The following TAFA2 variants were observed in gnomAD, a reference collection of about 807,000 sequenced individuals.
TAFA2 encodes the protein TAFA chemokine like family member 2.
In TAFA2, 7 loss-of-function variants were observed where a neutral mutation model predicts 18.8. The ratio of observed to expected loss-of-function variants is 0.37; its 90% CI spans 0.21 to 0.70. TAFA2 has a LOEUF of 0.70. Ranked by LOEUF, TAFA2 falls within the 30% of genes least tolerant of loss-of-function variation. The pLI is 0.53. For missense variants in TAFA2, 122 were observed against 158.1 expected (o/e 0.77, Z 1.23); for synonymous variants, 60 against 54.2 (o/e 1.11, Z -0.47).
chr12:61,763,172 T>A (rs184603265), intron 2 of TAFA2, among the ~76,000 whole-genome samples: 9 of 152,208 alleles, frequency 5.9e-5, no homozygotes, highest in Admixed American at 5.2e-4. Flanking sequence ...ATTTATGAAG[T>A]CAGGATGATC....
intron 4 of TAFA2, among the ~76,000 whole-genome samples, chr12:61,713,300 T>C (rs567255818): frequency 4.0e-4 from 61 of 152,294 alleles, no homozygotes; most frequent in African/African-American, 1.4e-3. Context: ...TTTCTCTATG[T>C]CACTTTCCTT....
intron 1 of TAFA2, among the ~76,000 whole-genome samples, chr12:61,871,115 G>T (rs986926278): frequency 1.3e-5 from 2 of 152,016 alleles, no homozygotes; most frequent in Non-Finnish European, 2.9e-5. Flanking sequence ...AAGAGTCGGG[G>T]GGGCATGCAA....
chr12:62,254,054 T>G (rs73135231), intron 1 of TAFA2, among the ~76,000 whole-genome samples: 11,985 of 152,298 alleles, frequency 0.079, 591 homozygotes, highest in Middle Eastern at 0.16. Context: ...CTTTAAATAT[T>G]ATCCTTCTTA....
intron 1 of TAFA2, among the ~76,000 whole-genome samples, chr12:62,146,821 G>C (rs1295232867): frequency 1.3e-5 from 2 of 152,190 alleles, no homozygotes; most frequent in East Asian, 1.9e-4. Context: ...AGATATGTAA[G>C]ATATAGCCTC....
intron 4 of TAFA2, among the ~76,000 whole-genome samples, chr12:61,718,579 T>G (rs1038342387): frequency 6.6e-6 from 1 of 152,136 alleles, no homozygotes; most frequent in Non-Finnish European, 1.5e-5. Context: ...AATCCTTAAG[T>G]CAGGAAAACA....
chr12:61,924,815 C>A (rs934237568), intron 1 of TAFA2, among the ~76,000 whole-genome samples: 4 of 152,152 alleles, frequency 2.6e-5, no homozygotes, highest in Non-Finnish European at 5.9e-5. Flanking sequence ...GAGTCAAGAT[C>A]CGTCAGTGTG....
In TAFA2 at chr12:61,884,559, C is replaced by T. The variant is rs142848352; in HGVS notation, c.-1-17133G>A. On this transcript the variant is annotated intron_variant, in intron 1 of 4. Transcript: ENST00000416284. ...GTGCATTGCATTTCTCAGAATTTAT[C>T]GTTAATCCAGCTATCTTAAAAACTA... is the stretch of plus-strand genomic sequence containing the variant. 7.9e-5 allele frequency among the ~76,000 whole-genome samples: 12 copies of T among 152,144 alleles called. No individual in the cohort carries two copies. The East Asian group carries it at 9.7e-4, about 12-fold the overall frequency.
chr12:62,235,188 C>T (rs904163206), intron 1 of TAFA2: 11 of 664,910 alleles, frequency 1.7e-5, no homozygotes, highest in Middle Eastern at 5.3e-4. Flanking sequence ...GTAAATCATC[C>T]GGAAAGGAGT....
intron 1 of TAFA2, among the ~76,000 whole-genome samples, chr12:62,068,415 G>A (rs1882546741): frequency 6.6e-6 from 1 of 152,144 alleles, no homozygotes; most frequent in South Asian, 2.1e-4. Context: ...AGAACAAGAT[G>A]AGATGGTATT....
At chr12:61,796,310 T>C (rs970754930) in intron 2 of TAFA2, among the ~76,000 whole-genome samples, 1 of 152,098 alleles carries the variant, frequency 6.6e-6, no homozygotes, top group East Asian at 1.9e-4. Context: ...TAAACAAATT[T>C]TGGCATAACT....
intron 1 of TAFA2, among the ~76,000 whole-genome samples, chr12:61,896,642 T>A (rs903537732): frequency 6.6e-6 from 1 of 152,236 alleles, no homozygotes; most frequent in African/African-American, 2.4e-5. Context: ...GTACCTTACA[T>A]GTGAGCCTTT....
chr12:62,250,868 A>G (rs2062910074), intron 1 of TAFA2, among the ~76,000 whole-genome samples: 1 of 152,200 alleles, frequency 6.6e-6, no homozygotes, highest in Non-Finnish European at 1.5e-5. Flanking sequence ...AACATGACTC[A>G]GCTAGCCTCT....
chr12:61,757,499 A>G (rs745636875), intron 2 of TAFA2, among the ~76,000 whole-genome samples: 1 of 152,036 alleles, frequency 6.6e-6, no homozygotes, highest in Non-Finnish European at 1.5e-5. Context: ...CAACATTTAT[A>G]AAATAAAGCT....
intron 1 of TAFA2, among the ~76,000 whole-genome samples, chr12:62,161,540 A>G (rs1464088879): frequency 6.6e-6 from 1 of 152,022 alleles, no homozygotes; most frequent in African/African-American, 2.4e-5. Flanking sequence ...GAGGATGGAG[A>G]CTCAGAATGG....
At chr12:62,102,705 T>C (rs1869264205) in intron 1 of TAFA2, among the ~76,000 whole-genome samples, 1 of 152,204 alleles carries the variant, frequency 6.6e-6, no homozygotes, top group Non-Finnish European at 1.5e-5. Context: ...TGTATTATGA[T>C]ACAATAATGT....
chr12:61,754,812 G>T (rs2120761441), intron 3 of TAFA2, 60 bp downstream of exon 3: 1 of 1,565,622 alleles, frequency 6.4e-7, no homozygotes, highest in Non-Finnish European at 8.7e-7. Flanking sequence ...TTATAGTGGG[G>T]TTCTAGTTCT....
intron 1 of TAFA2, among the ~76,000 whole-genome samples, chr12:62,127,761 C>A (rs927123847): frequency 2.0e-5 from 3 of 151,958 alleles, no homozygotes; most frequent in Non-Finnish European, 4.4e-5. Context: ...CAAGTTTCTT[C>A]TTGTGCCTTG....
intron 1 of TAFA2, among the ~76,000 whole-genome samples, chr12:62,042,430 C>T (rs983434): frequency 0.16 from 15,207 of 93,914 alleles, 805 homozygotes; most frequent in South Asian, 0.21. Context: ...TGTGTGTGTG[C>T]GCGTGTGTGT....
chr12:62,113,941 G>A, intron 1 of TAFA2, among the ~76,000 whole-genome samples: 1 of 152,178 alleles, frequency 6.6e-6, no homozygotes, highest in Non-Finnish European at 1.5e-5. Context: ...ATGGGGTTGG[G>A]ATCCACTGAG....
Sources: allele counts gnomAD v4.1 joint callset (sites outside exome capture counted in the v4.1 genomes callset), GRCh38; gene constraint gnomAD v4.1.1; transcripts MANE v1.5; gene names NCBI Gene and HGNC (gene_info 2026-07-23, HGNC 2026-07-21).